Variants in AIPL1 observed in about 807,000 individuals in gnomAD.
AIPL1 encodes the protein aryl-hydrocarbon-interacting protein-like 1.
In AIPL1, 23 loss-of-function variants were observed where a neutral mutation model predicts 32.9. The observed-to-expected ratio is 0.70, with a 90% CI of 0.50 to 0.99. The LOEUF is 0.99. AIPL1 is among the 50% of genes least tolerant of loss of function. AIPL1 has a pLI of 0.00. For missense variants in AIPL1, 485 were observed against 506.0 expected, an observed-to-expected ratio of 0.96 and a Z score of 0.40; for synonymous variants, 210 against 209.4, an observed-to-expected ratio of 1.00 and a Z score of -0.02.
At position 6,425,070 on chromosome 17, in the gene AIPL1, C is replaced by A. The variant is rs182504714; in HGVS notation, c.*390G>T. 2.8e-3 allele frequency: 475 copies of A among 167,858 alleles called. 4 individuals carry two copies. Among genetic ancestry groups the A allele is most frequent in the African/African-American group, 0.01 (427 of 41,934 alleles). 10.4% of individuals were successfully genotyped at this position (167,858 alleles called of 1,614,324 possible). ...CGAGATGACCCCCAAATGTAACTAT[C>A]CAAAATGGGGAGACAGGGAGGGGTA... On this transcript the variant is annotated 3_prime_UTR_variant, in exon 6 of 6. Transcript: ENST00000381129.
At chr17:6,434,935 G>A in intron 1 of AIPL1, 74 bp downstream of exon 1, 1 of 1,607,422 alleles carries the variant, frequency 6.2e-7, no homozygotes, top group Non-Finnish European at 8.5e-7. Flanking sequence ...GCTGTTTACA[G>A]TGCCTTGGGG....
At chr17:6,429,819 G>GATA (rs1912372016) in intron 2 of AIPL1, among the ~76,000 whole-genome samples, 2 of 44,542 alleles carry the variant, frequency 4.5e-5, no homozygotes, top group Non-Finnish European at 7.3e-5. Context: ...TAGGTAGGTA[G>GATA]GTAGGTAGAT....
rs139074266 is a variant in AIPL1 at position 6,424,223 on chromosome 17, G to C, written c.*1237C>G. On this transcript the variant is annotated 3_prime_UTR_variant, in exon 6 of 6. Coordinates refer to ENST00000381129, the MANE Select transcript of AIPL1 (RefSeq NM_014336.5). ...TGAAGATGAGCTAAAACAGGGGCGAGTGGAAGCGGCTTTCCCTAAGGCATG... is the reference window on the plus strand; with the variant it reads ...TGAAGATGAGCTAAAACAGGGGCGACTGGAAGCGGCTTTCCCTAAGGCATG... 6.6e-6 allele frequency: 1 copy of C among 152,320 alleles called. No individual in the cohort carries two copies. The highest frequency in any genetic ancestry group is 1.5e-5 in the Non-Finnish European group (1 of 68,118). The allele number at this position is 152,320 out of a possible 1,614,324, so 9.4% of individuals were successfully genotyped here. A position where few individuals can be genotyped will look rare whatever the true frequency, so the allele number is the denominator to read the frequency against.
At chr17:6,434,877 G>A (rs898158476) in intron 1 of AIPL1, 132 bp downstream of exon 1, 8 of 1,489,082 alleles carry the variant, frequency 5.4e-6, no homozygotes, top group African/African-American at 1.4e-5. Context: ...GAGCTCCCCG[G>A]AGGCCCAGCG....
At chr17:6,427,296 G>A (rs116219199) in intron 3 of AIPL1, among the ~76,000 whole-genome samples, 1 of 152,170 alleles carries the variant, frequency 6.6e-6, no homozygotes, top group Admixed American at 6.5e-5. Flanking sequence ...TCAGAAAATT[G>A]TCACGAATAC....
rs761471244 is a variant in AIPL1 at position 6,426,609 on chromosome 17, G to A, written c.784+6C>T. 6.8e-6 allele frequency: 11 copies of A among 1,613,366 alleles called. No homozygotes were observed. The highest frequency in any genetic ancestry group is 5.5e-5 in the South Asian group (5 of 91,038). The stretch of plus-strand genomic sequence containing the variant: ...CCTCACTGTCCGCCCCTGCAGCCCC[G>A]CGCACCTGGGTGGTGCCGGAGAATA... On this transcript the variant is annotated splice_donor_region_variant and intron_variant, in intron 5 of 5. Coordinates refer to ENST00000381129, the MANE Select transcript of AIPL1 (RefSeq NM_014336.5).
Position 6,425,606 on chromosome 17 carries a change from C to G in AIPL1, c.1009G>C (p.Glu337Gln), listed in dbSNP as rs746657767. The G allele has an allele frequency of 8.7e-6, 14 of 1,613,086 alleles. No individual in the cohort carries two copies. In the South Asian group the frequency reaches 1.5e-4, roughly 18 times the overall value. Residue 337 changes from glutamate to glutamine, a missense_variant, in exon 6 of 6, where the codon GAG becomes CAG. Transcript: ENST00000381129. ...LSQGATQPPA[E>Q]PPTEPPAQSS... ...TGTGCGGGTGGCTCTGTGGGTGGCTCTGCGGGAGGCTGCGTGGCACCCTGG... is the reference window on the plus strand; with the variant it reads ...TGTGCGGGTGGCTCTGTGGGTGGCTGTGCGGGAGGCTGCGTGGCACCCTGG...
At position 6,425,507 on chromosome 17, in the gene AIPL1, G is replaced by C; in HGVS notation, c.1108C>G (p.Pro370Ala). ...AELSAGPPAE[P>A]ATEPPPSPGH... is the part of the protein sequence containing the mutation. Reference sequence around the variant, plus strand: ...GGGGACGGGGGTGGCTCTGTGGCTGGCTCTGCAGGGGGCCCTGCGGACAGC... The same window carrying C: ...GGGGACGGGGGTGGCTCTGTGGCTGCCTCTGCAGGGGGCCCTGCGGACAGC... Residue 370 changes from proline to alanine, a missense_variant, in exon 6 of 6, where the codon CCA becomes GCA. Coordinates refer to ENST00000381129, the MANE Select transcript of AIPL1 (RefSeq NM_014336.5). 6.2e-7 allele frequency: 1 copy of C among 1,609,016 alleles called. No homozygotes were observed.
chr17:6,432,042 G>C (rs1479988303), intron 2 of AIPL1, among the ~76,000 whole-genome samples: 1 of 152,164 alleles, frequency 6.6e-6, no homozygotes, highest in Non-Finnish European at 1.5e-5. Context: ...GACTTCTACA[G>C]GATAAATGAC....
intron 5 of AIPL1, chr17:6,426,384 G>A (rs1216653036): frequency 1.4e-6 from 2 of 1,423,442 alleles, no homozygotes. Flanking sequence ...AGCTTGGCGA[G>A]CTTCCTGGGT....
intron 3 of AIPL1, among the ~76,000 whole-genome samples, chr17:6,427,829 T>A (rs1912147860): frequency 6.6e-6 from 1 of 152,140 alleles, no homozygotes; most frequent in Non-Finnish European, 1.5e-5. Flanking sequence ...TTTTTCTTTT[T>A]TTTGGACATG....
chr17:6,428,573 C>T, intron 2 of AIPL1, 67 bp from the exon 3 acceptor site: 1 of 1,484,746 alleles, frequency 6.7e-7, no homozygotes, highest in Admixed American at 1.7e-5. Flanking sequence ...CATAAAAGGC[C>T]TCCACTCAGA....
intron 1 of AIPL1, 200 bp downstream of exon 1, chr17:6,434,809 C>T: frequency 3.4e-6 from 3 of 892,176 alleles, no homozygotes; most frequent in Non-Finnish European, 4.9e-6. Context: ...CCCCTCAGCC[C>T]ATGCTAAAGT....
chr17:6,430,044 G>T (rs1207670246), intron 2 of AIPL1, among the ~76,000 whole-genome samples: 1 of 144,810 alleles, frequency 6.9e-6, no homozygotes, highest in African/African-American at 2.6e-5. Flanking sequence ...CTCTAGAAGG[G>T]GTGTGTGTGT....
chr17:6,432,265 C>T (rs1005875657), intron 2 of AIPL1, among the ~76,000 whole-genome samples: 7 of 151,800 alleles, frequency 4.6e-5, no homozygotes, highest in East Asian at 1.9e-4. Flanking sequence ...CACCTGTAGT[C>T]GTGGGAGGCT....
chr17:6,425,844 G>C lies in AIPL1; in HGVS notation c.785-14C>G. The C allele has an allele frequency of 1.2e-6, 2 of 1,600,716 alleles. No homozygotes were observed. The highest frequency in any genetic ancestry group is 1.7e-6 in the Non-Finnish European group (2 of 1,178,808). ...CCTTCACGATGCCTGTGGGGAGCAGGGAGCATCCAGCTACAGCTCCCTTCC... is the reference window on the plus strand; with the variant it reads ...CCTTCACGATGCCTGTGGGGAGCAGCGAGCATCCAGCTACAGCTCCCTTCC... On this transcript the variant is annotated splice_polypyrimidine_tract_variant and intron_variant, in intron 5 of 5. Transcript: ENST00000381129.
intron 3 of AIPL1, among the ~76,000 whole-genome samples, chr17:6,427,991 T>C (rs1461243908): frequency 6.6e-6 from 1 of 152,102 alleles, no homozygotes; most frequent in Non-Finnish European, 1.5e-5. Flanking sequence ...GGTTAATTTT[T>C]GTGTTTTTAA....
At chr17:6,428,186 A>G in intron 3 of AIPL1, 132 bp downstream of exon 3, 1 of 1,042,204 alleles carries the variant, frequency 9.6e-7, no homozygotes, top group Non-Finnish European at 1.4e-6. Context: ...CCCATGGCTT[A>G]TGAACCCTCT....
chr17:6,425,307 GTTTT>G lies in AIPL1; in HGVS notation c.*149_*152del, dbSNP rs77115868. The G allele has an allele frequency of 9.2e-3, 6,783 of 733,674 alleles. 24 individuals are homozygous for G. Among genetic ancestry groups the G allele is most frequent in the African/African-American group, 0.031 (1,593 of 51,874 alleles). 45.4% of individuals were successfully genotyped at this position (733,674 alleles called of 1,614,324 possible). On this transcript the variant is annotated 3_prime_UTR_variant, in exon 6 of 6. Coordinates refer to ENST00000381129, the MANE Select transcript of AIPL1 (RefSeq NM_014336.5). ...TAAGCTCTTCTGTACCCTTGGGATT[GTTTT>G]TTTTTTTTTTTTTACCATGGGTGTG...
Sources: gnomAD v4.1 joint callset for allele counts (sites outside exome capture counted in the v4.1 genomes callset) on GRCh38, gnomAD v4.1.1 for gene constraint, MANE v1.5 for transcripts, NCBI Gene and HGNC (gene_info 2026-07-23, HGNC 2026-07-21) for gene names.